Variants in RUBCN observed in about 807,000 individuals in gnomAD.
The protein encoded by RUBCN is run domain Beclin-1-interacting and cysteine-rich domain-containing protein.
In RUBCN, 74 loss-of-function variants were observed where a neutral mutation model predicts 113.2. The observed-to-expected ratio is 0.65, with a 90% CI of 0.54 to 0.79. The LOEUF (loss-of-function observed/expected upper bound fraction) is 0.79, where lower values mean the gene tolerates loss of function less well. Ranked by LOEUF, RUBCN falls within the 30% of genes least tolerant of loss-of-function variation. The probability of loss-of-function intolerance (pLI) is 0.00; values close to 1 mark genes in which losing one functional copy is unlikely to be tolerated. For missense variants in RUBCN, 1,109 were observed against 1,251.7 expected (o/e 0.89, Z 1.72); for synonymous variants, 480 against 490.0 (o/e 0.98, Z 0.27).
At chr3:197,715,640 G>A (rs1469513293) in intron 2 of RUBCN, among the ~76,000 whole-genome samples, 1 of 152,174 alleles carries the variant, frequency 6.6e-6, no homozygotes, top group Non-Finnish European at 1.5e-5. Flanking sequence ...GCACAAAGAG[G>A]TTAAGTATTT....
chr3:197,749,456 T>C lies in RUBCN; in HGVS notation c.-303A>G. On this transcript the variant is annotated 5_prime_UTR_variant, in exon 1 of 21. Coordinates refer to the RUBCN transcript ENST00000273582. ...TGCGGCAGCTCAGCGCAGCTGTAGG[T>C]GGAGGAGCGTGCCAGGGAGGGGGGA... 4 of 1,265,356 alleles carry C rather than the reference T, an allele frequency of 3.2e-6. No individual in the cohort carries two copies. In the South Asian group the frequency reaches 3.9e-5, roughly 12 times the overall value. 78.4% of individuals were successfully genotyped at this position (1,265,356 alleles called of 1,614,324 possible).
chr3:197,712,039 G>GA (rs1197540095), intron 2 of RUBCN, among the ~76,000 whole-genome samples: 1 of 151,770 alleles, frequency 6.6e-6, no homozygotes, highest in Non-Finnish European at 1.5e-5. Flanking sequence ...TACATATTCA[G>GA]AAAAAAACCA....
chr3:197,694,391 C>T lies in RUBCN; in HGVS notation c.1668G>A (p.Gln556=), dbSNP rs1221369389. ...TCCACTGACTTCCGTGCTCAGCCTC[C>T]TGGTACATGGGGAGCAGGTTCTTGG... The part of the protein sequence containing the change: ...IRTKNLLPMY[Q]EAEHGSFRVT... Residue 556 remains glutamine (Q), a synonymous_variant, in exon 10 of 20, where the codon CAG becomes CAA. Coordinates refer to ENST00000296343, the MANE Select transcript of RUBCN (RefSeq NM_014687.4). 6.2e-7 allele frequency: 1 copy of T among 1,614,218 alleles called. No homozygotes were observed.
At chr3:197,739,506 A>T (rs1437873831), upstream of RUBCN, among the ~76,000 whole-genome samples, 1 of 150,956 alleles carries the variant, frequency 6.6e-6, no homozygotes, top group Non-Finnish European at 1.5e-5. Flanking sequence ...ATCCTGGCTG[A>T]CACGGTGAAA....
At chr3:197,680,358 A>G (rs1721070280) in intron 16 of RUBCN, among the ~76,000 whole-genome samples, 1 of 126,632 alleles carries the variant, frequency 7.9e-6, no homozygotes, top group South Asian at 2.8e-4. Context: ...CTACGCTCTA[A>G]CTGACAACTG....
At chr3:197,738,365 A>C (rs1396871684), upstream of RUBCN, among the ~76,000 whole-genome samples, 2 of 152,206 alleles carry the variant, frequency 1.3e-5, no homozygotes, top group African/African-American at 4.8e-5. Flanking sequence ...GTGAAAAACT[A>C]ATGACTCTAT....
intron 1 of RUBCN, among the ~76,000 whole-genome samples, chr3:197,730,926 CTATT>C (rs1319146981): frequency 2.7e-5 from 2 of 74,012 alleles, no homozygotes; most frequent in Non-Finnish European, 4.9e-5. Context: ...ACAGTTTCAA[CTATT>C]TATTCAACAC....
chr3:197,745,546 C>T (rs1007531504), intron 1 of RUBCN, among the ~76,000 whole-genome samples: 56 of 151,396 alleles, frequency 3.7e-4, no homozygotes, highest in Admixed American at 2.5e-3. Flanking sequence ...ATCCGGGAGG[C>T]AGAGGTTGTG....
intron 11 of RUBCN, among the ~76,000 whole-genome samples, chr3:197,685,637 C>A (rs866156302): frequency 6.6e-6 from 1 of 152,218 alleles, no homozygotes; most frequent in African/African-American, 2.4e-5. Flanking sequence ...GAAGTCAAAT[C>A]TGTTGGTTTT....
chr3:197,744,117 AAT>A (rs58821725), intron 1 of RUBCN, among the ~76,000 whole-genome samples: 12,136 of 151,950 alleles, frequency 0.08, 1,070 homozygotes, highest in African/African-American at 0.22. Context: ...ATATTACATC[AAT>A]ATGATTTCTA....
intron 2 of RUBCN, among the ~76,000 whole-genome samples, chr3:197,708,354 T>G (rs1235191850): frequency 6.6e-6 from 1 of 152,054 alleles, no homozygotes; most frequent in Non-Finnish European, 1.5e-5. Flanking sequence ...CAAGCTGGTC[T>G]CGAACTCCTG....
chr3:197,704,542 C>T lies in RUBCN; in HGVS notation c.463G>A (p.Asp155Asn). 1.2e-6 allele frequency: 2 copies of T among 1,614,156 alleles called. No individual in the cohort carries two copies. Among genetic ancestry groups the T allele is most frequent in the Admixed American group, 3.3e-5 (2 of 60,034 alleles). Residue 155 changes from aspartate (D) to asparagine (N), a missense_variant and splice_region_variant, in exon 4 of 20, where the codon GAT becomes AAT. Transcript: ENST00000296343. ...ACAGTCCTAAGTGGCCTCTACCTAC[C>T]TGTGTAGAATTTTCTGATATACTGT... ...DRQYIRKFYTDAAFLLSDAHV... is the reference protein window; with the variant it reads ...DRQYIRKFYTNAAFLLSDAHV...
At chr3:197,685,923 C>T (rs1432295743) in intron 11 of RUBCN, among the ~76,000 whole-genome samples, 13 of 152,132 alleles carry the variant, frequency 8.5e-5, no homozygotes, top group Admixed American at 7.2e-4. Flanking sequence ...TTGGGCTGTA[C>T]CTAAGTCTTG....
At chr3:197,682,215 C>G (rs2108851477) in intron 14 of RUBCN, among the ~76,000 whole-genome samples, 1 of 152,260 alleles carries the variant, frequency 6.6e-6, no homozygotes, top group African/African-American at 2.4e-5. Flanking sequence ...AACCAGCAAG[C>G]CCACACAACT....
intron 11 of RUBCN, among the ~76,000 whole-genome samples, chr3:197,690,399 T>C (rs1270957627): frequency 6.6e-6 from 1 of 152,136 alleles, no homozygotes; most frequent in African/African-American, 2.4e-5. Context: ...GATTGCGCCA[T>C]TGCACTCCAG....
chr3:197,700,365 G>GT, intron 7 of RUBCN: 1 of 583,004 alleles, frequency 1.7e-6, no homozygotes, highest in Non-Finnish European at 3.0e-6. Context: ...ATCCTCTGAT[G>GT]TTACCAAACT....
Position 197,674,374 on chromosome 3 carries a change from C to T in RUBCN, c.*644G>A. ...GGCATCCTCTATGCTTCAAATATTTCAAACAGGAACTCCCGGCAACATAGG... is the reference window on the plus strand; with the variant it reads ...GGCATCCTCTATGCTTCAAATATTTTAAACAGGAACTCCCGGCAACATAGG... On this transcript the variant is annotated 3_prime_UTR_variant, in exon 20 of 20. Transcript: ENST00000296343. The T allele has an allele frequency of 1.6e-5, 4 of 253,642 alleles. No homozygotes were observed. In the Middle Eastern group the frequency reaches 1.9e-3, roughly 121 times the overall value. 15.7% of individuals were successfully genotyped at this position (253,642 alleles called of 1,614,324 possible). A position where few individuals can be genotyped will look rare whatever the true frequency, so the allele number is the denominator to read the frequency against.
intron 11 of RUBCN, among the ~76,000 whole-genome samples, chr3:197,693,500 G>A (rs1722662004): frequency 6.6e-6 from 1 of 152,160 alleles, no homozygotes; most frequent in African/African-American, 2.4e-5. Flanking sequence ...TGACATCAAC[G>A]AGCAGCCACT....
chr3:197,717,393 A>G (rs1355851991), intron 2 of RUBCN, among the ~76,000 whole-genome samples: 7 of 151,586 alleles, frequency 4.6e-5, no homozygotes, highest in South Asian at 2.1e-4. Context: ...GCAGTGAGCC[A>G]AGATCGCACC....
Sources: allele counts gnomAD v4.1 joint callset (sites outside exome capture counted in the v4.1 genomes callset), GRCh38; gene constraint gnomAD v4.1.1; transcripts MANE v1.5; gene names NCBI Gene and HGNC (gene_info 2026-07-23, HGNC 2026-07-21).